BCAS4: variants seen among roughly 807,000 people sequenced by gnomAD.
BCAS4 encodes the protein breast carcinoma-amplified sequence 4.
Under a neutral mutation model 15.7 loss-of-function variants are expected in BCAS4, and 9 were observed. The observed-to-expected ratio is 0.57, with a 90% CI of 0.34 to 1.00. The LOEUF is 1.00. BCAS4 is among the 50% of genes least tolerant of loss of function. BCAS4 has a pLI of 0.02. For synonymous variants in BCAS4, 101 were observed against 99.5 expected, an observed-to-expected ratio of 1.02 and a Z score of -0.09; for missense variants, 225 against 239.1, an observed-to-expected ratio of 0.94 and a Z score of 0.39.
At position 50,876,586 on chromosome 20, in the gene BCAS4, G is replaced by A. The variant is rs766382110; in HGVS notation, c.500G>A (p.Arg167His). The A allele has an allele frequency of 2.0e-5, 33 of 1,613,886 alleles. No homozygotes were observed. Among genetic ancestry groups the A allele is most frequent in the Admixed American group, 3.3e-5 (2 of 59,996 alleles). ...VDAGEAQHHP[R>H]TCPRPL ...GCCGGGGAAGCACAGCACCACCCCC[G>A]CACCTGCCCTCGGCCTTTGTGAGCT... The change falls in exon 5 of 5, where the codon CGC becomes CAC. Residue 167 changes from arginine (R) to histidine (H), a missense_variant. Coordinates refer to ENST00000371608, the MANE Select transcript of BCAS4 (RefSeq NM_198799.4).
intron 3 of BCAS4, among the ~76,000 whole-genome samples, chr20:50,837,260 G>A (rs1203763952): frequency 6.6e-6 from 1 of 152,090 alleles, no homozygotes; most frequent in Admixed American, 6.6e-5. Context: ...TTCTGGACAG[G>A]ACCCATGCTC....
At chr20:50,842,852 C>G (rs2088502283) in intron 4 of BCAS4, among the ~76,000 whole-genome samples, 1 of 152,208 alleles carries the variant, frequency 6.6e-6, no homozygotes, top group South Asian at 2.1e-4. Flanking sequence ...CCTAGCGGGG[C>G]CTCTTGTGGC....
At chr20:50,810,164 G>A (rs1247268411) in intron 1 of BCAS4, among the ~76,000 whole-genome samples, 4 of 151,232 alleles carry the variant, frequency 2.6e-5, no homozygotes, top group South Asian at 4.2e-4. Flanking sequence ...AGTTATTATT[G>A]AATCTAGTTG....
intron 2 of BCAS4, among the ~76,000 whole-genome samples, chr20:50,822,029 A>T (rs2088222384): frequency 6.6e-6 from 1 of 152,214 alleles, no homozygotes; most frequent in Non-Finnish European, 1.5e-5. Flanking sequence ...ATGTAAAACA[A>T]CCACCCATTT....
intron 2 of BCAS4, among the ~76,000 whole-genome samples, chr20:50,823,585 G>T (rs995528590): frequency 3.3e-5 from 5 of 152,152 alleles, no homozygotes; most frequent in African/African-American, 9.7e-5. Context: ...TCTCTGAGAG[G>T]ACAAAGTGGG....
At chr20:50,850,345 G>C (rs1157136650) in intron 4 of BCAS4, among the ~76,000 whole-genome samples, 1 of 152,214 alleles carries the variant, frequency 6.6e-6, no homozygotes, top group Non-Finnish European at 1.5e-5. Context: ...AACTGGCAGA[G>C]CTGGGATTTG....
Position 50,818,198 on chromosome 20 carries a change from G to C in BCAS4, c.91-13G>C, listed in dbSNP as rs539355212. On this transcript the variant is annotated splice_polypyrimidine_tract_variant and intron_variant, in intron 1 of 4. Transcript: ENST00000371608. ...ACCACTTGCTAATCTCCAGGATATC[G>C]TCTCTTTTTCAGGCGAAGGAGGTGG... 4 of 1,613,330 alleles carry C rather than the reference G, an allele frequency of 2.5e-6. No individual in the cohort carries two copies. Among genetic ancestry groups the C allele is most frequent in the Non-Finnish European group, 3.4e-6 (4 of 1,179,490 alleles).
chr20:50,876,246 T>C (rs533629539), intron 4 of BCAS4, among the ~76,000 whole-genome samples: 46 of 152,174 alleles, frequency 3.0e-4, no homozygotes, highest in Non-Finnish European at 6.2e-4. Context: ...CCACTGCGCC[T>C]GGGCTGCCTG....
chr20:50,829,933 C>G (rs1007137038), intron 2 of BCAS4, among the ~76,000 whole-genome samples: 2 of 152,138 alleles, frequency 1.3e-5, no homozygotes, highest in South Asian at 2.1e-4. Context: ...ACTGGACTGA[C>G]TTTGACTTTG....
chr20:50,850,297 C>T (rs999901905), intron 4 of BCAS4, among the ~76,000 whole-genome samples: 3 of 152,234 alleles, frequency 2.0e-5, no homozygotes, highest in African/African-American at 7.2e-5. Context: ...ACCTGAGGCT[C>T]AGAGGGGGCT....
At chr20:50,838,445 C>T (rs531585262) in intron 3 of BCAS4, among the ~76,000 whole-genome samples, 2 of 152,342 alleles carry the variant, frequency 1.3e-5, no homozygotes, top group East Asian at 3.9e-4. Context: ...CGCAGTGGCT[C>T]ACCCCTGTAA....
At chr20:50,821,790 A>G (rs2088219790) in intron 2 of BCAS4, among the ~76,000 whole-genome samples, 1 of 152,158 alleles carries the variant, frequency 6.6e-6, no homozygotes, top group African/African-American at 2.4e-5. Context: ...TAGTTCTTCC[A>G]TTAGCCTGTC....
intron 2 of BCAS4, among the ~76,000 whole-genome samples, chr20:50,826,690 G>A (rs911101371): frequency 6.6e-6 from 1 of 152,036 alleles, no homozygotes; most frequent in African/African-American, 2.4e-5. Context: ...AGTACTAAGG[G>A]GCCAGGCACA....
chr20:50,830,155 G>T (rs575104815), intron 2 of BCAS4, 124 bp from the exon 3 acceptor site: 6 of 754,294 alleles, frequency 8.0e-6, no homozygotes, highest in East Asian at 5.5e-5. Flanking sequence ...CCTGTATTGC[G>T]CAGGATGCCA....
In BCAS4 at chr20:50,868,420, CCTTT is replaced by C. The variant is rs1979463518; in HGVS notation, c.400-8053_400-8050del. Among the ~76,000 whole-genome samples the C allele has an allele frequency of 5.9e-5, 9 of 152,234 alleles. No homozygotes were observed. The South Asian group carries it at 1.5e-3, about 25-fold the overall frequency. On this transcript the variant is annotated intron_variant, in intron 4 of 4. Coordinates refer to ENST00000371608, the MANE Select transcript of BCAS4 (RefSeq NM_198799.4). ...TAGCAGTTGTCAATTCTTGGGTGAT[CCTTT>C]CTTTCTTTCTTTTTTTGAGTCAGAG...
intron 4 of BCAS4, among the ~76,000 whole-genome samples, chr20:50,842,823 C>A (rs1416384050): frequency 6.6e-6 from 1 of 152,218 alleles, no homozygotes; most frequent in African/African-American, 2.4e-5. Flanking sequence ...GACTTGCCCC[C>A]TTCACAGGAA....
chr20:50,864,260 C>T (rs1339239533), intron 4 of BCAS4, among the ~76,000 whole-genome samples: 2 of 152,124 alleles, frequency 1.3e-5, no homozygotes, highest in East Asian at 3.9e-4. Flanking sequence ...CTCCAGAGGC[C>T]GGCCTGGTCT....
chr20:50,824,085 A>T (rs899431649), intron 2 of BCAS4, among the ~76,000 whole-genome samples: 3 of 152,224 alleles, frequency 2.0e-5, no homozygotes, highest in African/African-American at 7.2e-5. Flanking sequence ...CCAAAGCACC[A>T]GAGGGGCATG....
intron 2 of BCAS4, among the ~76,000 whole-genome samples, chr20:50,823,574 C>G (rs2088242717): frequency 6.6e-6 from 1 of 152,152 alleles, no homozygotes; most frequent in Non-Finnish European, 1.5e-5. Context: ...GTAATTCCAG[C>G]TCTCTGAGAG....
Sources: gnomAD v4.1 joint callset for allele counts (sites outside exome capture counted in the v4.1 genomes callset) on GRCh38, gnomAD v4.1.1 for gene constraint, MANE v1.5 for transcripts, NCBI Gene and HGNC (gene_info 2026-07-23, HGNC 2026-07-21) for gene names.